Variants in ACSM5 observed in about 807,000 individuals in gnomAD.
ACSM5 encodes acyl-CoA synthetase medium chain family member 5, also known as acyl-coenzyme A synthetase ACSM5, mitochondrial.
ACSM5 carries 56 observed loss-of-function variants against 71.6 expected under a neutral mutation model. That is an observed-to-expected ratio of 0.78 (90% CI 0.63 to 0.98). The LOEUF is 0.98. Ranked by LOEUF, ACSM5 falls within the 50% of genes least tolerant of loss-of-function variation. The probability of loss-of-function intolerance (pLI) is 0.00; values close to 1 mark genes in which losing one functional copy is unlikely to be tolerated. For missense variants in ACSM5, 723 were observed against 726.0 expected, an observed-to-expected ratio of 1.00 and a Z score of 0.05; for synonymous variants, 285 against 281.5, an observed-to-expected ratio of 1.01 and a Z score of -0.12.
chr16:20,423,822 G>A, intron 5 of ACSM5, 94 bp from the exon 6 acceptor site: 1 of 1,485,880 alleles, frequency 6.7e-7, no homozygotes, highest in South Asian at 1.3e-5. Context: ...AGTACCCACT[G>A]AGCAGGGCTC....
chr16:20,410,589 C>CA (rs1179837553), intron 1 of ACSM5, among the ~76,000 whole-genome samples: 6 of 152,074 alleles, frequency 3.9e-5, no homozygotes, highest in African/African-American at 1.4e-4. Flanking sequence ...TAAAAGTTAG[C>CA]CACACATGGT....
chr16:20,429,561 A>C, intron 7 of ACSM5, 117 bp from the exon 8 acceptor site: 1 of 1,403,230 alleles, frequency 7.1e-7, no homozygotes, highest in Non-Finnish European at 1.0e-6. Flanking sequence ...AGAAGATTAA[A>C]AAGCAGGGGC....
intron 6 of ACSM5, among the ~76,000 whole-genome samples, chr16:20,427,316 A>G (rs1361321431): frequency 6.6e-6 from 1 of 151,970 alleles, no homozygotes; most frequent in African/African-American, 2.4e-5. Context: ...CCAAACAAAA[A>G]ACAAAACAAA....
chr16:20,435,640 T>C (rs566936096), intron 10 of ACSM5, among the ~76,000 whole-genome samples: 1 of 152,188 alleles, frequency 6.6e-6, no homozygotes, highest in African/African-American at 2.4e-5. Flanking sequence ...GACCCAGCGA[T>C]TGATACATTG....
chr16:20,429,153 G>C (rs1596620057), intron 7 of ACSM5, among the ~76,000 whole-genome samples: 1 of 152,192 alleles, frequency 6.6e-6, no homozygotes, highest in South Asian at 2.1e-4. Context: ...TGGGACTACA[G>C]GCATGTGCCA....
At chr16:20,419,915 C>G (rs1966870946) in intron 4 of ACSM5, 2 of 190,762 alleles carry the variant, frequency 1.0e-5, no homozygotes, top group Admixed American at 5.3e-5. Context: ...GATCAAACAT[C>G]ACCTTATTTA....
At chr16:20,422,858 C>T (rs1966904855) in intron 5 of ACSM5, among the ~76,000 whole-genome samples, 1 of 152,098 alleles carries the variant, frequency 6.6e-6, no homozygotes, top group Non-Finnish European at 1.5e-5. Context: ...AAGGAGGAGT[C>T]AAGGAGAGCT....
At position 20,437,391 on chromosome 16, in the gene ACSM5, G is replaced by A. The variant is rs373925378; in HGVS notation, c.1536+24G>A. 7 of 1,527,084 alleles carry A rather than the reference G, an allele frequency of 4.6e-6. No homozygotes were observed. The African/African-American group carries it at 5.5e-5, about 12-fold the overall frequency. The allele number at this position is 1,527,084 out of a possible 1,614,324, so 94.6% of individuals were successfully genotyped here. On this transcript the variant is annotated intron_variant, in intron 12 of 13. Transcript: ENST00000331849. ...AGGTAACCAGTGCACCCAAGAACATGGCCTCCTGCTTCTGTACCTATTAGC... is the reference window on the plus strand; with the variant it reads ...AGGTAACCAGTGCACCCAAGAACATAGCCTCCTGCTTCTGTACCTATTAGC...
chr16:20,438,313 C>T (rs1967243245), intron 12 of ACSM5, among the ~76,000 whole-genome samples: 1 of 151,962 alleles, frequency 6.6e-6, no homozygotes, highest in African/African-American at 2.4e-5. Context: ...GAGAGATTCT[C>T]AAAGTCTGGT....
chr16:20,410,542 C>G (rs1425943493), intron 1 of ACSM5, among the ~76,000 whole-genome samples: 1 of 152,082 alleles, frequency 6.6e-6, no homozygotes. Context: ...CCTGCCTGGG[C>G]AACATAGTGA....
intron 8 of ACSM5, among the ~76,000 whole-genome samples, 199 bp from the exon 9 acceptor site, chr16:20,430,794 C>G (rs150216898): frequency 0.088 from 12,505 of 142,508 alleles, 647 homozygotes; most frequent in East Asian, 0.19. Flanking sequence ...AAGGAGTGAG[C>G]AAGGAAGAAA....
chr16:20,411,337 T>C, intron 1 of ACSM5, 133 bp from the exon 2 acceptor site: 1 of 701,090 alleles, frequency 1.4e-6, no homozygotes, highest in Non-Finnish European at 2.4e-6. Flanking sequence ...AGACTGAAGG[T>C]GGAGAGTTTA....
At chr16:20,410,396 G>T (rs1490908997) in intron 1 of ACSM5, among the ~76,000 whole-genome samples, 39 of 152,112 alleles carry the variant, frequency 2.6e-4, no homozygotes, top group Admixed American at 2.6e-3. Context: ...GTAGGGTGGG[G>T]TCCCATCTGC....
At position 20,421,269 on chromosome 16, in the gene ACSM5, C is replaced by A; in HGVS notation, c.635C>A (p.Thr212Lys). 6.3e-7 allele frequency: 1 copy of A among 1,592,910 alleles called. No individual in the cohort carries two copies. The highest frequency in any genetic ancestry group is 8.6e-7 in the Non-Finnish European group (1 of 1,167,046). ...NFRELLREAS[T>K]EHNCMRTKSR... ...TTTACGTTTTACAGGGAGGCTTCTA[C>A]AGAGCACAACTGCATGAGGACAAAG... Residue 212 changes from threonine to lysine, a missense_variant, in exon 5 of 14, where the codon ACA becomes AAA. By Grantham distance (78) the Thr-to-Lys change is moderately conservative. Transcript: ENST00000331849.
intron 13 of ACSM5, 92 bp downstream of exon 13, chr16:20,440,011 G>A (rs1967291061): frequency 6.7e-7 from 1 of 1,497,026 alleles, no homozygotes; most frequent in African/African-American, 1.4e-5. Context: ...CCTGTGCCAG[G>A]CACTGGGGAT....
chr16:20,424,443 A>C (rs1185209301), intron 6 of ACSM5, among the ~76,000 whole-genome samples: 1 of 152,148 alleles, frequency 6.6e-6, no homozygotes, highest in Non-Finnish European at 1.5e-5. Flanking sequence ...AGTTGGCCCA[A>C]CTAGAGAGTC....
chr16:20,434,269 A>G (rs560311506), intron 10 of ACSM5, among the ~76,000 whole-genome samples: 1 of 152,300 alleles, frequency 6.6e-6, no homozygotes, highest in Admixed American at 6.5e-5. Context: ...TAAGTTTATA[A>G]TCCATCTGTG....
At chr16:20,429,822 G>A (rs1375080782) in intron 8 of ACSM5, 21 bp downstream of exon 8, 7 of 1,610,328 alleles carry the variant, frequency 4.3e-6, no homozygotes, top group African/African-American at 1.3e-5. Context: ...GAGGGGCCAG[G>A]TCCCTACCCC....
intron 2 of ACSM5, chr16:20,411,973 C>A (rs1966848684): frequency 1.2e-5 from 5 of 412,744 alleles, no homozygotes; most frequent in Non-Finnish European, 1.8e-5. Flanking sequence ...AGTTGTTCAT[C>A]AACTGAAGGA....
Sources: gnomAD v4.1 joint callset for allele counts (sites outside exome capture counted in the v4.1 genomes callset) on GRCh38, gnomAD v4.1.1 for gene constraint, MANE v1.5 for transcripts, NCBI Gene and HGNC (gene_info 2026-07-23, HGNC 2026-07-21) for gene names.